The following KCNQ3 variants were observed in gnomAD, a reference collection of about 807,000 sequenced individuals.
The protein encoded by KCNQ3 is potassium voltage-gated channel subfamily Q member 3.
A neutral mutation model predicts 92.5 loss-of-function variants in KCNQ3; 30 were observed. The observed-to-expected ratio is 0.32, with a 90% CI of 0.24 to 0.44. The LOEUF (loss-of-function observed/expected upper bound fraction) is 0.44, where lower values mean the gene tolerates loss of function less well. Among genes scored for constraint, KCNQ3 ranks in the 20% least tolerant of loss-of-function variants. The probability of loss-of-function intolerance (pLI) is 1.00; values close to 1 mark genes in which losing one functional copy is unlikely to be tolerated. For missense variants in KCNQ3, 913 were observed against 1,140.3 expected, an observed-to-expected ratio of 0.80 and a Z score of 2.87; for synonymous variants, 450 against 468.8, an observed-to-expected ratio of 0.96 and a Z score of 0.52.
intron 1 of KCNQ3, among the ~76,000 whole-genome samples, chr8:132,356,853 A>T (rs1819031941): frequency 6.6e-6 from 1 of 152,222 alleles, no homozygotes; most frequent in Admixed American, 6.5e-5. Flanking sequence ...GAGACAAAAA[A>T]CAGAGAGTGA....
intron 1 of KCNQ3, among the ~76,000 whole-genome samples, chr8:132,331,610 T>C (rs1356641991): frequency 6.6e-6 from 1 of 152,176 alleles, no homozygotes; most frequent in Non-Finnish European, 1.5e-5. Flanking sequence ...CTCCTCCTCC[T>C]GCTCCTTGTT....
intron 1 of KCNQ3, chr8:132,187,280 G>A (rs531274600): frequency 2.2e-6 from 1 of 455,994 alleles, no homozygotes; most frequent in Admixed American, 2.3e-5. Flanking sequence ...ATTCAATGAT[G>A]AATAGGCTGG....
intron 1 of KCNQ3, among the ~76,000 whole-genome samples, chr8:132,234,571 C>T (rs1451099328): frequency 2.6e-5 from 4 of 152,040 alleles, no homozygotes; most frequent in East Asian, 1.9e-4. Flanking sequence ...GTTTATGAAA[C>T]ACACACTATA....
chr8:132,469,139 A>T (rs4736587), intron 1 of KCNQ3, among the ~76,000 whole-genome samples: 2 of 152,132 alleles, frequency 1.3e-5, no homozygotes, highest in Non-Finnish European at 2.9e-5. Context: ...AAGGGTGATC[A>T]CCTTGGGGAA....
intron 1 of KCNQ3, among the ~76,000 whole-genome samples, chr8:132,446,357 G>C (rs1052300691): frequency 3.3e-5 from 5 of 152,170 alleles, no homozygotes; most frequent in Non-Finnish European, 7.3e-5. Flanking sequence ...CTTGACCTGA[G>C]AGCACCCTGC....
intron 1 of KCNQ3, among the ~76,000 whole-genome samples, chr8:132,338,219 G>A (rs1333507575): frequency 6.6e-6 from 1 of 152,184 alleles, no homozygotes; most frequent in Non-Finnish European, 1.5e-5. Flanking sequence ...CCTTGGAGGT[G>A]AGGAGGCTTA....
chr8:132,414,506 C>G (rs1292683005), intron 1 of KCNQ3, among the ~76,000 whole-genome samples: 2 of 152,232 alleles, frequency 1.3e-5, no homozygotes, highest in Admixed American at 6.5e-5. Flanking sequence ...CCTGTCACAT[C>G]TGATATGGCT....
At chr8:132,301,283 A>T (rs1817208388) in intron 1 of KCNQ3, among the ~76,000 whole-genome samples, 1 of 152,044 alleles carries the variant, frequency 6.6e-6, no homozygotes, top group Non-Finnish European at 1.5e-5. Context: ...CGCCCATCTC[A>T]TCATATCCCA....
At chr8:132,445,849 C>T (rs187000937) in intron 1 of KCNQ3, among the ~76,000 whole-genome samples, 107 of 152,178 alleles carry the variant, frequency 7.0e-4, no homozygotes, top group African/African-American at 2.4e-3. Flanking sequence ...GTTAGTAAAC[C>T]CTTGGTTTCA....
chr8:132,138,731 G>A (rs1347539985), intron 11 of KCNQ3, among the ~76,000 whole-genome samples: 2 of 152,190 alleles, frequency 1.3e-5, no homozygotes, highest in African/African-American at 4.8e-5. Flanking sequence ...AGTGTCAGGA[G>A]GTCACAGCCC....
intron 1 of KCNQ3, among the ~76,000 whole-genome samples, chr8:132,279,853 C>CAT (rs1554640109): frequency 1.3e-4 from 20 of 150,536 alleles, no homozygotes; most frequent in East Asian, 2.0e-4. Context: ...TGTATATATG[C>CAT]GTGTGTGTGT....
intron 1 of KCNQ3, among the ~76,000 whole-genome samples, chr8:132,322,347 C>T (rs761847949): frequency 3.6e-4 from 55 of 152,236 alleles, no homozygotes; most frequent in Non-Finnish European, 6.8e-4. Context: ...GAGGACATCC[C>T]TGCTGGCTCA....
chr8:132,403,925 C>A (rs539661747), intron 1 of KCNQ3, among the ~76,000 whole-genome samples: 2 of 152,332 alleles, frequency 1.3e-5, no homozygotes, highest in South Asian at 4.1e-4. Flanking sequence ...TAAGGCCTCA[C>A]CAAGGGGCCA....
chr8:132,311,233 AT>A (rs1181714113), intron 1 of KCNQ3, among the ~76,000 whole-genome samples: 1 of 152,198 alleles, frequency 6.6e-6, no homozygotes, highest in Non-Finnish European at 1.5e-5. Flanking sequence ...TGATTTGTTT[AT>A]TCTGACAACG....
chr8:132,161,233 G>A (rs1252168350), intron 9 of KCNQ3, among the ~76,000 whole-genome samples: 1 of 152,146 alleles, frequency 6.6e-6, no homozygotes, highest in Non-Finnish European at 1.5e-5. Flanking sequence ...AAGTTACAGA[G>A]AATATAATTC....
chr8:132,325,614 G>C (rs1818024943), intron 1 of KCNQ3, among the ~76,000 whole-genome samples: 1 of 152,224 alleles, frequency 6.6e-6, no homozygotes, highest in Non-Finnish European at 1.5e-5. Flanking sequence ...TGAAGACACA[G>C]GGAGAAGACA....
At position 132,128,863 on chromosome 8, in the gene KCNQ3, T is replaced by C; in HGVS notation, c.*399A>G. On this transcript the variant is annotated 3_prime_UTR_variant, in exon 15 of 15. Coordinates refer to ENST00000388996, the MANE Select transcript of KCNQ3 (RefSeq NM_004519.4). ...AGCGTTTTACACAAGAGGGCAGTGA[T>C]CCTAGAAATAACTTAAACTACTTTC... The C allele has an allele frequency of 4.7e-6, 1 of 214,992 alleles. No homozygotes were observed. Among genetic ancestry groups the C allele is most frequent in the Admixed American group, 5.2e-5 (1 of 19,390 alleles). The allele number at this position is 214,992 out of a possible 1,614,324, so 13.3% of individuals were successfully genotyped here.
rs57495592 is a variant in KCNQ3, at chr8:132,276,816, G to A, written c.387-90635C>T. Among the ~76,000 whole-genome samples, 610 of 152,222 alleles carry A rather than the reference G, an allele frequency of 4.0e-3. 4 individuals carry two copies. The highest frequency in any genetic ancestry group is 0.014 in the African/African-American group (575 of 41,536). ...GCTAGGCGACTATGGAAAATCATTC[G>A]ACCCCTTAGAGGTCATGTCCTAGTC... On this transcript the variant is annotated intron_variant, in intron 1 of 14. Transcript: ENST00000388996.
At chr8:132,312,479 TG>T (rs1377644620) in intron 1 of KCNQ3, among the ~76,000 whole-genome samples, 2 of 151,594 alleles carry the variant, frequency 1.3e-5, no homozygotes, top group Non-Finnish European at 2.9e-5. Flanking sequence ...AGAAACAATA[TG>T]GGGGGCTTCA....
Sources: gnomAD v4.1 joint callset for allele counts (sites outside exome capture counted in the v4.1 genomes callset) on GRCh38, gnomAD v4.1.1 for gene constraint, MANE v1.5 for transcripts, NCBI Gene and HGNC (gene_info 2026-07-23, HGNC 2026-07-21) for gene names.